Variants in KCNIP1 observed in about 807,000 individuals in gnomAD.
KCNIP1 encodes the protein potassium voltage-gated channel interacting protein 1.
Under a neutral mutation model 33.0 loss-of-function variants are expected in KCNIP1, and 18 were observed. The ratio of observed to expected loss-of-function variants is 0.55; its 90% CI spans 0.38 to 0.81. KCNIP1 has a LOEUF of 0.81. Among genes scored for constraint, KCNIP1 ranks in the 30% least tolerant of loss-of-function variants. The pLI is 0.00. For missense variants in KCNIP1, 238 were observed against 271.6 expected, an observed-to-expected ratio of 0.88 and a Z score of 0.87; for synonymous variants, 93 against 98.3, an observed-to-expected ratio of 0.95 and a Z score of 0.32.
intron 1 of KCNIP1, among the ~76,000 whole-genome samples, chr5:170,420,206 C>T (rs1561617260): frequency 6.6e-6 from 1 of 152,136 alleles, no homozygotes; most frequent in East Asian, 1.9e-4. Context: ...GGCTTTTGTT[C>T]AGTCTCTGCC....
At chr5:170,676,440 T>C (rs1370856298) in intron 1 of KCNIP1, among the ~76,000 whole-genome samples, 1 of 152,218 alleles carries the variant, frequency 6.6e-6, no homozygotes, top group Non-Finnish European at 1.5e-5. Context: ...GTTAAATAAT[T>C]GCTTTCTGAT....
At chr5:170,383,774 C>T (rs771873575) in intron 1 of KCNIP1, 7 of 1,613,932 alleles carry the variant, frequency 4.3e-6, no homozygotes, top group Middle Eastern at 1.6e-4. Context: ...TACTGGGGCA[C>T]CTTCTTGCCC....
chr5:170,712,876 G>A (rs1370781097), intron 1 of KCNIP1: 2 of 1,613,748 alleles, frequency 1.2e-6, no homozygotes, highest in South Asian at 1.1e-5. Context: ...GGTATTACCA[G>A]TATCAGAGAG....
intron 1 of KCNIP1, among the ~76,000 whole-genome samples, chr5:170,634,857 G>A (rs1760223348): frequency 6.6e-6 from 1 of 152,182 alleles, no homozygotes; most frequent in African/African-American, 2.4e-5. Context: ...TTGCTGTTAG[G>A]AATTGCAGCT....
At chr5:170,369,971 G>A (rs1000558473) in intron 1 of KCNIP1, among the ~76,000 whole-genome samples, 17 of 152,182 alleles carry the variant, frequency 1.1e-4, no homozygotes, top group African/African-American at 3.9e-4. Flanking sequence ...GCCTCTGTGG[G>A]TAGGACCCTT....
intron 1 of KCNIP1, among the ~76,000 whole-genome samples, chr5:170,473,861 C>T (rs1756790771): frequency 6.6e-6 from 1 of 152,164 alleles, no homozygotes; most frequent in Admixed American, 6.5e-5. Context: ...TTCTCTGACC[C>T]AGCCTCACAC....
intron 1 of KCNIP1, among the ~76,000 whole-genome samples, chr5:170,533,659 G>T (rs757477729): frequency 2.6e-5 from 4 of 152,184 alleles, no homozygotes; most frequent in African/African-American, 9.7e-5. Context: ...CTCTTCAAAA[G>T]GGATCTAATA....
intron 1 of KCNIP1, among the ~76,000 whole-genome samples, chr5:170,574,493 G>A (rs1230738733): frequency 2.0e-5 from 3 of 152,306 alleles, no homozygotes; most frequent in African/African-American, 7.2e-5. Flanking sequence ...AAAGTTGTCA[G>A]GAGCACCTCC....
At chr5:170,509,253 A>T (rs1754838523) in intron 1 of KCNIP1, among the ~76,000 whole-genome samples, 1 of 151,884 alleles carries the variant, frequency 6.6e-6, no homozygotes, top group Non-Finnish European at 1.5e-5. Context: ...TTCTACTCCC[A>T]CTCCCTCATA....
chr5:170,678,832 T>C (rs1390006969), intron 1 of KCNIP1: 2 of 152,232 alleles, frequency 1.3e-5, no homozygotes, highest in Non-Finnish European at 2.9e-5. Flanking sequence ...GGCAGAGAGT[T>C]GTTGGGAAGG....
intron 1 of KCNIP1, among the ~76,000 whole-genome samples, chr5:170,437,954 AC>A (rs1349375396): frequency 6.6e-6 from 1 of 152,162 alleles, no homozygotes; most frequent in Non-Finnish European, 1.5e-5. Context: ...CCCCGATTTC[AC>A]ACCATTTTAC....
chr5:170,576,777 C>T (rs1156873124), intron 1 of KCNIP1, among the ~76,000 whole-genome samples: 1 of 152,222 alleles, frequency 6.6e-6, no homozygotes, highest in Non-Finnish European at 1.5e-5. Flanking sequence ...TGTCTCACTT[C>T]CTCAATTTCA....
chr5:170,360,320 G>A (rs1443781588), intron 1 of KCNIP1, among the ~76,000 whole-genome samples: 1 of 152,176 alleles, frequency 6.6e-6, no homozygotes, highest in African/African-American at 2.4e-5. Context: ...GGACCCAGAG[G>A]GACCTGGGCT....
At chr5:170,693,695 A>G (rs963235255) in intron 1 of KCNIP1, among the ~76,000 whole-genome samples, 5 of 152,220 alleles carry the variant, frequency 3.3e-5, no homozygotes, top group Non-Finnish European at 7.3e-5. Context: ...TAAATGCTGA[A>G]ATTTTTCAAT....
upstream of KCNIP1, among the ~76,000 whole-genome samples, chr5:170,502,048 C>T (rs983603066): frequency 2.0e-5 from 3 of 152,178 alleles, no homozygotes; most frequent in Admixed American, 2.0e-4. Flanking sequence ...GCAGGGGTTC[C>T]CCAGGAGACC....
At chr5:170,424,405 T>A (rs1421114272) in intron 1 of KCNIP1, among the ~76,000 whole-genome samples, 2 of 152,150 alleles carry the variant, frequency 1.3e-5, no homozygotes, top group African/African-American at 2.4e-5. Flanking sequence ...ACAGCCTGTA[T>A]GTGAACTCAG....
At chr5:170,522,732 A>G (rs1460538302) in intron 1 of KCNIP1, among the ~76,000 whole-genome samples, 1 of 152,092 alleles carries the variant, frequency 6.6e-6, no homozygotes, top group Non-Finnish European at 1.5e-5. Context: ...CCACATCCAC[A>G]CCCCACGGGT....
chr5:170,661,377 G>A (rs1383304493), intron 1 of KCNIP1, among the ~76,000 whole-genome samples: 2 of 152,174 alleles, frequency 1.3e-5, no homozygotes, highest in African/African-American at 2.4e-5. Context: ...CCTTGGCTGA[G>A]GTATGTCTGA....
At chr5:170,539,217 G>C (rs548725375) in intron 1 of KCNIP1, among the ~76,000 whole-genome samples, 1 of 152,004 alleles carries the variant, frequency 6.6e-6, no homozygotes, top group Non-Finnish European at 1.5e-5. Context: ...TTCATATGTC[G>C]GGTTGTCACT....
Sources: allele counts gnomAD v4.1 joint callset (sites outside exome capture counted in the v4.1 genomes callset), GRCh38; gene constraint gnomAD v4.1.1; transcripts MANE v1.5; gene names NCBI Gene and HGNC (gene_info 2026-07-23, HGNC 2026-07-21).